GPR25: variants seen among roughly 807,000 people sequenced by gnomAD.
GPR25 encodes the protein G protein-coupled receptor 25.
For missense variants in GPR25, 501 were observed against 503.0 expected (o/e 1.00, Z 0.04); for synonymous variants, 280 against 264.9 (o/e 1.06, Z -0.55).
At position 200,873,133 on chromosome 1, in the gene GPR25, C is replaced by CG. The variant is rs1238140068; in HGVS notation, c.100dup (p.Asp34GlyfsTer52). The CG allele has an allele frequency of 6.2e-7, 1 of 1,603,184 alleles. No individual in the cohort carries two copies. Among genetic ancestry groups the CG allele is most frequent in the African/African-American group, 1.3e-5 (1 of 74,882 alleles). On this transcript the variant is annotated frameshift_variant, in exon 1 of 1. Transcript: ENST00000304244. LOFTEE classifies it low-confidence loss of function (END_TRUNC). ...TGGAGGAGCTGGAGCTGTGTCCGGC[C>CG]GGGGACCTGCCCTACGGCTACGTCT...
chr1:200,873,316 G>T lies in GPR25; in HGVS notation c.279G>T (p.Pro93=), dbSNP rs1667995760. The change falls in exon 1 of 1, where the codon CCG becomes CCT. Residue 93 remains proline (P), a synonymous_variant. Coordinates refer to ENST00000304244, the MANE Select transcript of GPR25 (RefSeq NM_005298.4). The part of the protein sequence containing the change: ...AADLGFVLTL[P]LWAAAAALGG... ...ACCTGGGCTTCGTGCTCACGCTGCC[G>T]CTGTGGGCCGCGGCGGCGGCGCTAG... 7 of 1,507,144 alleles carry T rather than the reference G, an allele frequency of 4.6e-6. No homozygotes were observed. Among genetic ancestry groups the T allele is most frequent in the Non-Finnish European group, 6.2e-6 (7 of 1,136,024 alleles). The allele number at this position is 1,507,144 out of a possible 1,614,324, so 93.4% of individuals were successfully genotyped here.
chr1:200,873,491 AC>A lies in GPR25; in HGVS notation c.458del (p.Pro153ArgfsTer57). 6.4e-7 allele frequency: 1 copy of A among 1,561,550 alleles called. No individual in the cohort carries two copies. The highest frequency in any genetic ancestry group is 8.6e-7 in the Non-Finnish European group (1 of 1,162,748). On this transcript the variant is annotated frameshift_variant, in exon 1 of 1. Coordinates refer to ENST00000304244, the MANE Select transcript of GPR25 (RefSeq NM_005298.4). LOFTEE classifies it low-confidence loss of function (END_TRUNC). ...GCTGCTCGAGGCGAGGCCACTGCGCACCCCGCGCTGCGCGCTGGCCTCGTGC... is the reference window on the plus strand; with the variant it reads ...GCTGCTCGAGGCGAGGCCACTGCGCACCCGCGCTGCGCGCTGGCCTCGTGC... ...VKLLEARPLR[T>X]PRCALASCCG...
Position 200,873,131 on chromosome 1 carries a change from G to C in GPR25, c.94G>C (p.Ala32Pro), listed in dbSNP as rs1265106794. The C allele has an allele frequency of 1.9e-6, 3 of 1,602,754 alleles. No homozygotes were observed. In the African/African-American group the frequency reaches 4.0e-5, roughly 21 times the overall value. Residue 32 changes from alanine to proline, a missense_variant, in exon 1 of 1, where the codon GCC (alanine) becomes CCC (proline). Transcript: ENST00000304244. Reference sequence around the variant, plus strand: ...CCTGGAGGAGCTGGAGCTGTGTCCGGCCGGGGACCTGCCCTACGGCTACGT... The same window carrying C: ...CCTGGAGGAGCTGGAGCTGTGTCCGCCCGGGGACCTGCCCTACGGCTACGT... ...DGLEELELCP[A>P]GDLPYGYVYI... is the part of the protein sequence containing the mutation.
chr1:200,873,490 C>A lies in GPR25; in HGVS notation c.453C>A (p.Arg151=). ...AGCTGCTCGAGGCGAGGCCACTGCG[C>A]ACCCCGCGCTGCGCGCTGGCCTCGT... is the stretch of plus-strand genomic sequence containing the variant. ...VVKLLEARPL[R]TPRCALASCC... Residue 151 remains arginine (R), a synonymous_variant, in exon 1 of 1, where the codon CGC becomes CGA. Transcript: ENST00000304244. 1 of 1,563,448 alleles carries A rather than the reference C, an allele frequency of 6.4e-7. No individual in the cohort carries two copies. Among genetic ancestry groups the A allele is most frequent in the Non-Finnish European group, 8.6e-7 (1 of 1,163,474 alleles).
Position 200,873,035 on chromosome 1 carries a change from GC to G in GPR25, c.-1del. ...CACTCCGCGCAGGCCTCATAGCCAG[GC>G]CATGGCCCCCACAGAGCCCTGGAGC... On this transcript the variant is annotated 5_prime_UTR_variant, in exon 1 of 1. Coordinates refer to ENST00000304244, the MANE Select transcript of GPR25 (RefSeq NM_005298.4). 6.5e-7 allele frequency: 1 copy of G among 1,534,996 alleles called. No individual in the cohort carries two copies. Among genetic ancestry groups the G allele is most frequent in the Admixed American group, 2.0e-5 (1 of 50,230 alleles).
At position 200,874,001 on chromosome 1, in the gene GPR25, GC is replaced by G; in HGVS notation, c.966del (p.Cys323AlafsTer?). On this transcript the variant is annotated frameshift_variant, in exon 1 of 1. Transcript: ENST00000304244. LOFTEE classifies it low-confidence loss of function (END_TRUNC). The stretch of plus-strand genomic sequence containing the variant: ...ATTCCGAGCCCGGGCGCTGGACGGG[GC>G]CTGCGGGCGCACCGGCCGCCTGGCG... ...RSFRARALDG[A>X]CGRTGRLARR... is the part of the protein sequence containing the mutation. The G allele has an allele frequency of 2.5e-6, 4 of 1,611,908 alleles. No individual in the cohort carries two copies. In the South Asian group the frequency reaches 4.4e-5, roughly 18 times the overall value.
Position 200,874,012 on chromosome 1 carries a change from C to CA in GPR25, c.976dup (p.Thr326AsnfsTer?). 6.2e-7 allele frequency: 1 copy of CA among 1,611,704 alleles called. No homozygotes were observed. The highest frequency in any genetic ancestry group is 8.5e-7 in the Non-Finnish European group (1 of 1,179,388). On this transcript the variant is annotated frameshift_variant, in exon 1 of 1. Transcript: ENST00000304244. LOFTEE classifies it low-confidence loss of function (END_TRUNC). ...GGGCGCTGGACGGGGCCTGCGGGCG[C>CA]ACCGGCCGCCTGGCGCGAAGGATCA...
chr1:200,874,094 G>T lies in GPR25; in HGVS notation c.1057G>T (p.Ala353Ser), dbSNP rs1439550707. The T allele has an allele frequency of 6.3e-7, 1 of 1,577,450 alleles. No individual in the cohort carries two copies. The highest frequency in any genetic ancestry group is 1.3e-5 in the African/African-American group (1 of 74,442). Reference sequence around the variant, plus strand: ...TTCCGTGTTCCGTTGCCGGGCCCAGGCCGCGAACACTGCCTCGGCCTCCTG... The same window carrying T: ...TTCCGTGTTCCGTTGCCGGGCCCAGTCCGCGAACACTGCCTCGGCCTCCTG... The part of the protein sequence containing the change: ...DSSVFRCRAQ[A>S]ANTASASW Residue 353 changes from alanine to serine, a missense_variant, in exon 1 of 1, where the codon GCC (alanine) becomes TCC (serine). Transcript: ENST00000304244.
Position 200,873,015 on chromosome 1 carries a change from C to CG in GPR25, c.-22dup. The CG allele has an allele frequency of 2.7e-6, 4 of 1,495,826 alleles. No homozygotes were observed. Among genetic ancestry groups the CG allele is most frequent in the Non-Finnish European group, 3.6e-6 (4 of 1,125,680 alleles). The allele number at this position is 1,495,826 out of a possible 1,614,324, so 92.7% of individuals were successfully genotyped here. On this transcript the variant is annotated 5_prime_UTR_variant, in exon 1 of 1. Transcript: ENST00000304244. ...GCCGCCTGCGCCCAGGGCTGCACTC[C>CG]GCGCAGGCCTCATAGCCAGGCCATG...
chr1:200,873,282 C>T lies in GPR25; in HGVS notation c.245C>T (p.Ala82Val). Residue 82 changes from alanine to valine, a missense_variant, in exon 1 of 1, where the codon GCG (alanine) becomes GTG (valine). Coordinates refer to ENST00000304244, the MANE Select transcript of GPR25 (RefSeq NM_005298.4). The part of the protein sequence containing the change: ...RLVDTFVLHL[A>V]AADLGFVLTL... ...GTGGATACCTTCGTGCTGCACCTGG[C>T]GGCAGCTGACCTGGGCTTCGTGCTC... The T allele has an allele frequency of 6.5e-7, 1 of 1,549,234 alleles. No homozygotes were observed.
In GPR25 at chr1:200,873,747, G is replaced by C. The variant is rs1196753173; in HGVS notation, c.710G>C (p.Arg237Pro). Residue 237 changes from arginine (R) to proline (P), a missense_variant, in exon 1 of 1, where the codon CGG becomes CCG. By Grantham distance (103) the Arg-to-Pro change is moderately radical. Transcript: ENST00000304244. Reference protein sequence around the residue: ...RRLRRPPHVGRARRNSLRIIF... With the variant: ...RRLRRPPHVGPARRNSLRIIF... ...CTGCGACGGCCGCCGCACGTGGGTC[G>C]GGCCCGGAGGAACTCGCTGCGCATC... The C allele has an allele frequency of 6.3e-7, 1 of 1,598,230 alleles. No individual in the cohort carries two copies. Among genetic ancestry groups the C allele is most frequent in the Non-Finnish European group, 8.5e-7 (1 of 1,178,852 alleles).
rs774898574 is a variant in GPR25 at position 200,873,888 on chromosome 1, C to T, written c.851C>T (p.Ala284Val). ...ALPLPCPLLL[A>V]LRWGLTIATC... ...CCGCTGCCGTGCCCCCTGCTGCTGGCGCTGCGCTGGGGCCTCACCATTGCC... is the reference window on the plus strand; with the variant it reads ...CCGCTGCCGTGCCCCCTGCTGCTGGTGCTGCGCTGGGGCCTCACCATTGCC... The change falls in exon 1 of 1, where the codon GCG (alanine) becomes GTG (valine). Residue 284 changes from alanine (A) to valine (V), a missense_variant. Coordinates refer to ENST00000304244, the MANE Select transcript of GPR25 (RefSeq NM_005298.4). 5.0e-6 allele frequency: 8 copies of T among 1,607,974 alleles called. No homozygotes were observed. The South Asian group carries it at 8.8e-5, about 18-fold the overall frequency.
chr1:200,873,600 A>ACAG lies in GPR25; in HGVS notation c.565_567dup (p.Ser189dup), dbSNP rs1463999539. 1.3e-6 allele frequency: 2 copies of ACAG among 1,592,776 alleles called. No homozygotes were observed. The highest frequency in any genetic ancestry group is 1.7e-6 in the Non-Finnish European group (2 of 1,177,628). ...TTGCAGCCCCTGCCTGGGGGCCAGG[A>ACAG]CAGCCAGTGCGGCGAGGAGCCCTCC... On this transcript the variant is annotated inframe_insertion, in exon 1 of 1. Transcript: ENST00000304244.
chr1:200,873,895 C>T lies in GPR25; in HGVS notation c.858C>T (p.Arg286=), dbSNP rs954505725. 6.2e-7 allele frequency: 1 copy of T among 1,608,878 alleles called. No individual in the cohort carries two copies. Among genetic ancestry groups the T allele is most frequent in the African/African-American group, 1.3e-5 (1 of 74,858 alleles). ...PLPCPLLLAL[R]WGLTIATCLA... The stretch of plus-strand genomic sequence containing the variant: ...CGTGCCCCCTGCTGCTGGCGCTGCG[C>T]TGGGGCCTCACCATTGCCACCTGCC... Residue 286 remains arginine (R), a synonymous_variant, in exon 1 of 1, where the codon CGC becomes CGT. Coordinates refer to ENST00000304244, the MANE Select transcript of GPR25 (RefSeq NM_005298.4).
Position 200,873,440 on chromosome 1 carries a change from G to T in GPR25, c.403G>T (p.Val135Leu), listed in dbSNP as rs749522617. Reference protein sequence around the residue: ...AGALLLAGMSVDRYLAVVKLL... With the variant: ...AGALLLAGMSLDRYLAVVKLL... ...CGCGCTGCTGCTGGCGGGCATGAGC[G>T]TGGACCGCTACCTGGCCGTGGTGAA... is the stretch of plus-strand genomic sequence containing the variant. Residue 135 changes from valine to leucine, a missense_variant, in exon 1 of 1, where the codon GTG (valine) becomes TTG (leucine). Val to Leu is a conservative substitution (Grantham distance 32). Transcript: ENST00000304244. The T allele has an allele frequency of 1.9e-5, 29 of 1,546,958 alleles. 1 individual carries two copies. The South Asian group carries it at 2.9e-4, about 16-fold the overall frequency.
In GPR25 at chr1:200,873,442, G is replaced by A. The variant is rs1305238641; in HGVS notation, c.405G>A (p.Val135=). The A allele has an allele frequency of 1.3e-6, 2 of 1,548,362 alleles. No homozygotes were observed. Among genetic ancestry groups the A allele is most frequent in the Non-Finnish European group, 1.7e-6 (2 of 1,156,720 alleles). Residue 135 remains valine, a synonymous_variant, in exon 1 of 1, where the codon GTG becomes GTA. Coordinates refer to ENST00000304244, the MANE Select transcript of GPR25 (RefSeq NM_005298.4). ...AGALLLAGMS[V]DRYLAVVKLL... ...CGCTGCTGCTGGCGGGCATGAGCGT[G>A]GACCGCTACCTGGCCGTGGTGAAGC...
chr1:200,873,873 G>A lies in GPR25; in HGVS notation c.836G>A (p.Cys279Tyr), dbSNP rs1483978211. The change falls in exon 1 of 1, where the codon TGC becomes TAC. Residue 279 changes from cysteine (C) to tyrosine (Y), a missense_variant. Transcript: ENST00000304244. ...CGTCTGGGGGCGCTGCCGCTGCCGT[G>A]CCCCCTGCTGCTGGCGCTGCGCTGG... Reference protein sequence around the residue: ...LARLGALPLPCPLLLALRWGL... With the variant: ...LARLGALPLPYPLLLALRWGL... 3 of 1,606,308 alleles carry A rather than the reference G, an allele frequency of 1.9e-6. No individual in the cohort carries two copies.
At position 200,873,779 on chromosome 1, in the gene GPR25, G is replaced by T; in HGVS notation, c.742G>T (p.Ala248Ser). The change falls in exon 1 of 1, where the codon GCC (alanine) becomes TCC (serine). Residue 248 changes from alanine (A) to serine (S), a missense_variant. Transcript: ENST00000304244. ...ARRNSLRIIF[A>S]IESTFVGSWL... ...GAGGAACTCGCTGCGCATCATCTTC[G>T]CCATCGAGAGCACGTTTGTGGGCTC... The T allele has an allele frequency of 6.3e-7, 1 of 1,599,330 alleles. No individual in the cohort carries two copies.
At position 200,873,251 on chromosome 1, in the gene GPR25, C is replaced by G; in HGVS notation, c.214C>G (p.Arg72Gly). 1 of 1,574,266 alleles carries G rather than the reference C, an allele frequency of 6.4e-7. No individual in the cohort carries two copies. Among genetic ancestry groups the G allele is most frequent in the Non-Finnish European group, 8.6e-7 (1 of 1,164,584 alleles). The change falls in exon 1 of 1, where the codon CGG becomes GGG. Residue 72 changes from arginine (R) to glycine (G), a missense_variant. Coordinates refer to ENST00000304244, the MANE Select transcript of GPR25 (RefSeq NM_005298.4). ...GCTGGCCGGGCGGCGGGGCCCGCGG[C>G]GGCTGGTGGATACCTTCGTGCTGCA... The part of the protein sequence containing the change: ...WLLAGRRGPR[R>G]LVDTFVLHLA...
Sources: allele counts gnomAD v4.1 joint callset, GRCh38; gene constraint gnomAD v4.1.1; transcripts MANE v1.5; gene names NCBI Gene and HGNC (gene_info 2026-07-23, HGNC 2026-07-21).